Variants in CHODL observed in about 807,000 individuals in gnomAD.
CHODL encodes transmembrane protein MT75.
In CHODL, 29 loss-of-function variants were observed where a neutral mutation model predicts 34.5. The observed-to-expected ratio is 0.84, with a 90% CI of 0.63 to 1.15. The LOEUF is 1.15. CHODL is among the 50% of genes most tolerant of loss of function. The pLI is 0.00. For synonymous variants in CHODL, 125 were observed against 116.1 expected (o/e 1.08, Z -0.49); for missense variants, 332 against 332.5 (o/e 1.00, Z 0.01).
intron 1 of CHODL, among the ~76,000 whole-genome samples, chr21:17,986,026 A>G (rs555800724): frequency 5.6e-4 from 86 of 152,236 alleles, no homozygotes; most frequent in Non-Finnish European, 9.4e-4. Flanking sequence ...CAAAAGCCTC[A>G]CCTTCTAATA....
At position 18,255,952 on chromosome 21, in the gene CHODL, G is replaced by A. The variant is rs190944480; in HGVS notation, c.80-557G>A. On this transcript the variant is annotated intron_variant, in intron 1 of 5. Transcript: ENST00000299295. The stretch of plus-strand genomic sequence containing the variant: ...CAATGTAATATTATATTAATTAATC[G>A]TTTATTACTACCAATTACCTTCATT... 1.0e-3 allele frequency among the ~76,000 whole-genome samples: 155 copies of A among 151,874 alleles called. 1 individual carries two copies. Among genetic ancestry groups the A allele is most frequent in the African/African-American group, 3.5e-3 (146 of 41,426 alleles).
intron 2 of CHODL, among the ~76,000 whole-genome samples, chr21:18,095,240 A>G (rs1199613570): frequency 6.6e-6 from 1 of 152,174 alleles, no homozygotes; most frequent in Non-Finnish European, 1.5e-5. Flanking sequence ...AAAGTTAAAC[A>G]AAATTGACAA....
At chr21:18,241,001 A>C (rs1191016020), upstream of CHODL, among the ~76,000 whole-genome samples, 1 of 152,168 alleles carries the variant, frequency 6.6e-6, no homozygotes, top group Non-Finnish European at 1.5e-5. Flanking sequence ...GCCCTGCAAA[A>C]ACTGACTTCT....
intron 2 of CHODL, among the ~76,000 whole-genome samples, chr21:18,145,165 G>A (rs974454074): frequency 2.6e-5 from 4 of 151,076 alleles, no homozygotes; most frequent in East Asian, 2.0e-4. Flanking sequence ...GGCCGGGCGC[G>A]GTGGCTCAGG....
intron 4 of CHODL, among the ~76,000 whole-genome samples, chr21:18,260,930 T>C (rs2074373811): frequency 1.3e-5 from 2 of 152,106 alleles, no homozygotes; most frequent in South Asian, 4.1e-4. Flanking sequence ...ATGATGCAAA[T>C]TGGCACATTC....
At chr21:18,103,762 C>G (rs2065242626) in intron 2 of CHODL, among the ~76,000 whole-genome samples, 1 of 152,032 alleles carries the variant, frequency 6.6e-6, no homozygotes, top group African/African-American at 2.4e-5. Context: ...TGGCTTTTTT[C>G]AGAGTGAACA....
intron 2 of CHODL, among the ~76,000 whole-genome samples, chr21:18,166,405 T>G (rs1253606107): frequency 6.6e-6 from 1 of 152,196 alleles, no homozygotes; most frequent in Non-Finnish European, 1.5e-5. Context: ...TTTTGCCATG[T>G]AACATGGTAC....
intron 2 of CHODL, among the ~76,000 whole-genome samples, chr21:18,052,611 G>T (rs2064529743): frequency 1.3e-5 from 2 of 151,902 alleles, no homozygotes; most frequent in African/African-American, 4.8e-5. Flanking sequence ...TCCTAGCAAG[G>T]ATATACTAGG....
At chr21:18,021,859 C>T (rs533268808) in intron 1 of CHODL, among the ~76,000 whole-genome samples, 14 of 152,282 alleles carry the variant, frequency 9.2e-5, no homozygotes, top group African/African-American at 3.4e-4. Flanking sequence ...GTTCCTAAAA[C>T]ATCACTGCAA....
chr21:18,072,934 A>T (rs1283243717), intron 2 of CHODL, among the ~76,000 whole-genome samples: 2 of 152,168 alleles, frequency 1.3e-5, no homozygotes, highest in Admixed American at 6.5e-5. Context: ...TAATATCTCC[A>T]TGTATTTTGA....
intron 2 of CHODL, among the ~76,000 whole-genome samples, chr21:18,117,713 AAAT>A (rs1279158751): frequency 1.4e-5 from 2 of 139,064 alleles, no homozygotes; most frequent in African/African-American, 2.5e-5. Context: ...AAGATAAAAT[AAAT>A]AAATAAATAA....
At chr21:17,951,155 AGTT>A (rs2063454626) in intron 1 of CHODL, among the ~76,000 whole-genome samples, 1 of 149,198 alleles carries the variant, frequency 6.7e-6, no homozygotes. Flanking sequence ...TCAATGGTTA[AGTT>A]GTTTAGTGGC....
intron 2 of CHODL, among the ~76,000 whole-genome samples, chr21:18,204,600 A>G (rs909915281): frequency 6.6e-6 from 1 of 152,104 alleles, no homozygotes; most frequent in Non-Finnish European, 1.5e-5. Flanking sequence ...ATGGATTGCA[A>G]CTACATTAAA....
chr21:18,136,667 G>C (rs889948756), intron 2 of CHODL, among the ~76,000 whole-genome samples: 2 of 147,462 alleles, frequency 1.4e-5, no homozygotes, highest in African/African-American at 4.9e-5. Context: ...AATCTTAAGT[G>C]TAGACTATTT....
intron 1 of CHODL, among the ~76,000 whole-genome samples, chr21:17,986,778 C>T (rs2063756921): frequency 6.6e-6 from 1 of 152,136 alleles, no homozygotes; most frequent in Non-Finnish European, 1.5e-5. Flanking sequence ...ACACTTCCAC[C>T]AACAGTGTAA....
chr21:18,048,858 C>G (rs117153660), intron 2 of CHODL, among the ~76,000 whole-genome samples: 2 of 151,986 alleles, frequency 1.3e-5, no homozygotes, highest in Non-Finnish European at 2.9e-5. Context: ...AACCTACTCT[C>G]CAGCCACTTT....
At chr21:18,174,121 GTGTATATATATATATA>G (rs377310968) in intron 2 of CHODL, among the ~76,000 whole-genome samples, 15,711 of 60,962 alleles carry the variant, frequency 0.26, 4,097 homozygotes, top group Middle Eastern at 0.48. Flanking sequence ...ATATATCTTG[GTGTATATATATATATA>G]TATATATATA....
chr21:18,102,309 T>A (rs1210109596), intron 2 of CHODL, among the ~76,000 whole-genome samples: 1 of 152,182 alleles, frequency 6.6e-6, no homozygotes, highest in Non-Finnish European at 1.5e-5. Flanking sequence ...TTAACCTGAA[T>A]ACTTTCCAGA....
chr21:18,083,719 G>A (rs1258734586), intron 2 of CHODL, among the ~76,000 whole-genome samples: 1 of 152,170 alleles, frequency 6.6e-6, no homozygotes, highest in Non-Finnish European at 1.5e-5. Flanking sequence ...GACTTGCATG[G>A]GGCATGTGGC....
Sources: gnomAD v4.1 joint callset for allele counts (sites outside exome capture counted in the v4.1 genomes callset) on GRCh38, gnomAD v4.1.1 for gene constraint, MANE v1.5 for transcripts, NCBI Gene and HGNC (gene_info 2026-07-23, HGNC 2026-07-21) for gene names.